Variants in XRCC5 observed in about 807,000 individuals in gnomAD.
XRCC5 encodes DNA repair protein Ku80.
In XRCC5, 12 loss-of-function variants were observed where a neutral mutation model predicts 95.7. That is an observed-to-expected ratio of 0.13 (90% CI 0.08 to 0.20). XRCC5 has a LOEUF of 0.20. Among genes scored for constraint, XRCC5 ranks in the 10% least tolerant of loss-of-function variants. XRCC5 has a pLI of 1.00. For missense variants in XRCC5, 595 were observed against 873.9 expected (o/e 0.68, Z 4.02); for synonymous variants, 281 against 290.3 (o/e 0.97, Z 0.33).
rs1696984826 is a variant in XRCC5, at chr2:216,130,872, C to T, written c.938-3C>T. ...TAACAGATGCTCTTCTCTTTTTCTC[C>T]AGGGTTCCGCTATGGAAGTGATATA... On this transcript the variant is annotated splice_polypyrimidine_tract_variant and splice_region_variant and intron_variant, in intron 8 of 20. Coordinates refer to ENST00000392132, the MANE Select transcript of XRCC5 (RefSeq NM_021141.4). 3 of 1,596,046 alleles carry T rather than the reference C, an allele frequency of 1.9e-6. No homozygotes were observed. The highest frequency in any genetic ancestry group is 1.4e-5 in the African/African-American group (1 of 73,692).
intron 13 of XRCC5, 116 bp from the exon 14 acceptor site, chr2:216,147,967 T>A (rs1166386657): frequency 1.8e-6 from 2 of 1,103,286 alleles, no homozygotes; most frequent in Non-Finnish European, 2.6e-6. Flanking sequence ...GTTTTTTACA[T>A]GTGGTATGAA....
intron 3 of XRCC5, 167 bp downstream of exon 3, chr2:216,117,009 G>T (rs1696709544): frequency 4.3e-6 from 3 of 704,226 alleles, no homozygotes; most frequent in Non-Finnish European, 7.0e-6. Flanking sequence ...AAATTAATCA[G>T]TTTAAAACAG....
intron 20 of XRCC5, 85 bp from the exon 21 acceptor site, chr2:216,205,103 A>G (rs1183414867): frequency 5.8e-6 from 9 of 1,546,008 alleles, no homozygotes; most frequent in Non-Finnish European, 8.0e-6. Flanking sequence ...ATGTAGAGTC[A>G]TTTTCATTAA....
chr2:216,160,048 A>AT lies in XRCC5; in HGVS notation c.1671-10dup, dbSNP rs557710018. ...TTTTGTATTGTTTGTTCTAAGAGAA[A>AT]TTTTTTTTTTCTTTTCTAGCCATGA... is the stretch of plus-strand genomic sequence containing the variant. On this transcript the variant is annotated intron_variant, in intron 14 of 20. Transcript: ENST00000392132. The AT allele has an allele frequency of 6.0e-3, 8,562 of 1,415,424 alleles. 34 individuals carry two copies. Among genetic ancestry groups the AT allele is most frequent in the Non-Finnish European group, 5.0e-3 (5,232 of 1,037,814 alleles). 87.7% of individuals were successfully genotyped at this position (1,415,424 alleles called of 1,614,324 possible).
intron 8 of XRCC5, among the ~76,000 whole-genome samples, chr2:216,128,796 C>T (rs954083200): frequency 5.9e-5 from 9 of 152,162 alleles, no homozygotes; most frequent in Non-Finnish European, 1.3e-4. Context: ...TAATCATCAG[C>T]GACCATCTTA....
At chr2:216,167,688 G>C (rs1689080496) in intron 16 of XRCC5, among the ~76,000 whole-genome samples, 1 of 151,296 alleles carries the variant, frequency 6.6e-6, no homozygotes, top group Non-Finnish European at 1.5e-5. Flanking sequence ...TGCCCAGATA[G>C]ATAAGAAGAT....
intron 16 of XRCC5, among the ~76,000 whole-genome samples, chr2:216,173,745 T>C (rs207932): frequency 0.59 from 90,403 of 151,972 alleles, 27,456 homozygotes; most frequent in African/African-American, 0.69. Context: ...CATTATCACT[T>C]GAGTGGGTTA....
At position 216,178,909 on chromosome 2, in the gene XRCC5, A is replaced by G. The variant is rs41302482; in HGVS notation, c.1835-11316A>G. Among the ~76,000 whole-genome samples the G allele has an allele frequency of 2.4e-3, 369 of 152,338 alleles. 4 individuals carry two copies. The highest frequency in any genetic ancestry group is 8.4e-3 in the African/African-American group (351 of 41,580). On this transcript the variant is annotated intron_variant, in intron 16 of 20. Transcript: ENST00000392132. ...GGAATAAACCAGTGAGGCCTACACC[A>G]TTTATTCATCCATTCAACAATTATT... is the stretch of plus-strand genomic sequence containing the variant.
chr2:216,198,167 T>C (rs1689766288), intron 19 of XRCC5, among the ~76,000 whole-genome samples: 1 of 152,248 alleles, frequency 6.6e-6, no homozygotes, highest in Admixed American at 6.5e-5. Context: ...AAAATGCACG[T>C]TCCTTTGCAC....
At chr2:216,117,525 T>C (rs1025623386) in intron 3 of XRCC5, 82 of 501,858 alleles carry the variant, frequency 1.6e-4, no homozygotes, top group Non-Finnish European at 2.4e-4. Context: ...GATTACCTTT[T>C]GTTTATATTT....
chr2:216,205,165 A>G (rs771184492), intron 20 of XRCC5, 23 bp from the exon 21 acceptor site: 4 of 1,613,822 alleles, frequency 2.5e-6, no homozygotes, highest in South Asian at 2.2e-5. Context: ...ATTCCTTTCT[A>G]AGTGTGTTGT....
intron 2 of XRCC5, among the ~76,000 whole-genome samples, chr2:216,114,218 G>T (rs1365919973): frequency 6.6e-6 from 1 of 151,972 alleles, no homozygotes; most frequent in Non-Finnish European, 1.5e-5. Context: ...CTTCTACTTG[G>T]TATGACTGCC....
intron 13 of XRCC5, among the ~76,000 whole-genome samples, chr2:216,142,868 A>T (rs1020412743): frequency 6.6e-6 from 1 of 152,176 alleles, no homozygotes. Flanking sequence ...AAAATTAGAG[A>T]TGTGAAGCTT....
At chr2:216,112,043 G>A (rs1489705061) in intron 1 of XRCC5, among the ~76,000 whole-genome samples, 2 of 152,206 alleles carry the variant, frequency 1.3e-5, no homozygotes, top group East Asian at 1.9e-4. Flanking sequence ...GACATTTCAC[G>A]TTGTTGATTG....
At chr2:216,148,341 G>T in intron 14 of XRCC5, 65 bp downstream of exon 14, 1 of 1,471,706 alleles carries the variant, frequency 6.8e-7, no homozygotes, top group Non-Finnish European at 9.2e-7. Flanking sequence ...TTTTAGAGTG[G>T]CTCTGGAAGT....
At chr2:216,143,638 C>G (rs1445334965) in intron 13 of XRCC5, among the ~76,000 whole-genome samples, 1 of 150,790 alleles carries the variant, frequency 6.6e-6, no homozygotes, top group Non-Finnish European at 1.5e-5. Flanking sequence ...GATACATAAA[C>G]TTAAAAAAAA....
chr2:216,147,948 C>G, intron 13 of XRCC5, 135 bp from the exon 14 acceptor site: 1 of 947,978 alleles, frequency 1.1e-6, no homozygotes, highest in Non-Finnish European at 1.6e-6. Flanking sequence ...TAGGTGAATC[C>G]TCTTGATTGT....
intron 14 of XRCC5, among the ~76,000 whole-genome samples, chr2:216,157,027 G>A (rs1166286667): frequency 6.6e-6 from 1 of 152,150 alleles, no homozygotes; most frequent in Non-Finnish European, 1.5e-5. Flanking sequence ...AGTTCAGCAG[G>A]GATCAGCCGA....
At position 216,154,775 on chromosome 2, in the gene XRCC5, T is replaced by G. The variant is rs116977418; in HGVS notation, c.1671-5293T>G. On this transcript the variant is annotated intron_variant, in intron 14 of 20. Coordinates refer to ENST00000392132, the MANE Select transcript of XRCC5 (RefSeq NM_021141.4). Reference sequence around the variant, plus strand: ...TTCTGGTAGTTCACAGATTCCTTGATGTCATCTTTGGACCCCCAATTAAAA... The same window carrying G: ...TTCTGGTAGTTCACAGATTCCTTGAGGTCATCTTTGGACCCCCAATTAAAA... Among the ~76,000 whole-genome samples the G allele has an allele frequency of 1.6e-3, 240 of 152,328 alleles. 7 individuals are homozygous for G. In the East Asian group the frequency reaches 0.034, roughly 21 times the overall value.
Sources: gnomAD v4.1 joint callset for allele counts (sites outside exome capture counted in the v4.1 genomes callset) on GRCh38, gnomAD v4.1.1 for gene constraint, MANE v1.5 for transcripts, NCBI Gene and HGNC (gene_info 2026-07-23, HGNC 2026-07-21) for gene names.